TMEM221: variants seen among roughly 807,000 people sequenced by gnomAD.
TMEM221 encodes transmembrane protein 221.
In TMEM221, 11 loss-of-function variants were observed where a neutral mutation model predicts 10.2. The ratio of observed to expected loss-of-function variants is 1.08; its 90% CI spans 0.68 to 1.79. The LOEUF (loss-of-function observed/expected upper bound fraction) is 1.79, where lower values mean the gene tolerates loss of function less well. Ranked by LOEUF, TMEM221 falls within the 40% of genes most tolerant of loss-of-function variation. TMEM221 has a pLI of 0.00. For missense variants in TMEM221, 382 were observed against 417.7 expected (o/e 0.91, Z 0.75); for synonymous variants, 172 against 199.8 (o/e 0.86, Z 1.18).
In TMEM221 at chr19:17,448,270, C is replaced by CGG. The variant is rs1173639496; in HGVS notation, c.191_192dup (p.Gly65ProfsTer71). On this transcript the variant is annotated frameshift_variant, in exon 1 of 3. Transcript: ENST00000341130. LOFTEE classifies it high-confidence loss of function. The surrounding 1 kb of genome is among the most constrained non-coding windows in gnomAD (Gnocchi z 4.7). ...GCGGCGGCCAGCGGCAGCAGCGTCC[C>CGG]GGCCGCGTCCTCTGGCAGCCCGGGG... 1 of 1,236,114 alleles carries CGG rather than the reference C, an allele frequency of 8.1e-7. No homozygotes were observed. Among genetic ancestry groups the CGG allele is most frequent in the Non-Finnish European group, 1.0e-6 (1 of 990,072 alleles). 76.6% of individuals were successfully genotyped at this position (1,236,114 alleles called of 1,614,324 possible).
In TMEM221 at chr19:17,439,792, G is replaced by T. The variant is rs2074924436; in HGVS notation, c.407-2865C>A. ...GGGCAATGGGGAGTGATTGCTAATG[G>T]AGACAGGGTTTCCTGTTGGGTGATG... On this transcript the variant is annotated intron_variant, in intron 2 of 2. Transcript: ENST00000341130. Among the ~76,000 whole-genome samples the T allele has an allele frequency of 2.0e-5, 3 of 152,156 alleles. No homozygotes were observed. The South Asian group carries it at 6.2e-4, about 32-fold the overall frequency.
chr19:17,440,476 C>T (rs924966305), intron 2 of TMEM221, among the ~76,000 whole-genome samples: 9 of 152,032 alleles, frequency 5.9e-5, no homozygotes, highest in African/African-American at 9.7e-5. Flanking sequence ...CTGCCCGCCT[C>T]GGTCTCCCAA....
chr19:17,435,802 A>T lies in TMEM221; in HGVS notation c.*656T>A, dbSNP rs2074905456. Reference sequence around the variant, plus strand: ...AGCCCTCAGCCATGGGTCCACAGCCAGGAACCTGGGTCCAGCTCTCCAGCC... The same window carrying T: ...AGCCCTCAGCCATGGGTCCACAGCCTGGAACCTGGGTCCAGCTCTCCAGCC... On this transcript the variant is annotated 3_prime_UTR_variant, in exon 3 of 3. Coordinates refer to ENST00000341130, the MANE Select transcript of TMEM221 (RefSeq NM_001190844.2). 1 of 152,478 alleles carries T rather than the reference A, an allele frequency of 6.6e-6. No homozygotes were observed. Among genetic ancestry groups the T allele is most frequent in the South Asian group, 2.1e-4 (1 of 4,836 alleles). The allele number at this position is 152,478 out of a possible 1,614,324, so 9.4% of individuals were successfully genotyped here.
In TMEM221 at chr19:17,441,211, GAAAAAAA is replaced by G. The variant is rs569733675; in HGVS notation, c.406+3981_406+3987del. ...CAACAGAGCAAGACTCCATCTCAGA[GAAAAAAA>G]AAAAAAAAAAAGAAGGGACTTTGAG... is the stretch of plus-strand genomic sequence containing the variant. On this transcript the variant is annotated intron_variant, in intron 2 of 2. Transcript: ENST00000341130. 3.8e-3 allele frequency among the ~76,000 whole-genome samples: 199 copies of G among 51,786 alleles called. 1 individual carries two copies. The highest frequency in any genetic ancestry group is 0.012 in the Middle Eastern group (1 of 86). The allele number at this position is 51,786 out of a possible 152,430, so 34.0% of individuals were successfully genotyped here.
At chr19:17,442,564 G>C (rs1881078310) in intron 2 of TMEM221, among the ~76,000 whole-genome samples, 1 of 151,358 alleles carries the variant, frequency 6.6e-6, no homozygotes, top group African/African-American at 2.4e-5. Flanking sequence ...CTCAGCCTCT[G>C]GAGTAGCTGG....
intron 2 of TMEM221, among the ~76,000 whole-genome samples, chr19:17,437,353 G>A (rs1391568228): frequency 6.6e-6 from 1 of 152,206 alleles, no homozygotes; most frequent in African/African-American, 2.4e-5. Flanking sequence ...GAGCTGAGGA[G>A]GATGACAGCT....
chr19:17,445,841 CT>C (rs1199724511), intron 1 of TMEM221, among the ~76,000 whole-genome samples: 3 of 151,456 alleles, frequency 2.0e-5, no homozygotes, highest in Non-Finnish European at 4.4e-5. Context: ...CATCCATCCA[CT>C]TATCAATTCA....
intron 1 of TMEM221, among the ~76,000 whole-genome samples, chr19:17,445,868 A>G (rs909562015): frequency 1.3e-5 from 2 of 150,946 alleles, no homozygotes; most frequent in Admixed American, 1.3e-4. Flanking sequence ...CCATCCACTT[A>G]TCCATCCATC....
intron 2 of TMEM221, among the ~76,000 whole-genome samples, chr19:17,442,881 G>C (rs1305677694): frequency 6.6e-6 from 1 of 152,012 alleles, no homozygotes; most frequent in African/African-American, 2.4e-5. Flanking sequence ...ATTTCATTAA[G>C]TCAAACAACA....
chr19:17,444,071 CTTTTTTTTTTTTTTTT>C (rs67270566), intron 2 of TMEM221, among the ~76,000 whole-genome samples: 1 of 56,284 alleles, frequency 1.8e-5, no homozygotes, highest in South Asian at 6.4e-4. Context: ...AAAATGCTAT[CTTTTTTTTTTTTTTTT>C]TTTTTTTTTT....
In TMEM221 at chr19:17,448,498, G is replaced by A. The variant is rs1437302354; in HGVS notation, c.-36C>T. ...CCTGCGGGCCGGGGGAAGAGTTGAG[G>A]AATTGAAGTGGTTTTAGAGGGCAGG... On this transcript the variant is annotated 5_prime_UTR_variant, in exon 1 of 3. Transcript: ENST00000341130. The surrounding 1 kb of genome is among the most constrained non-coding windows in gnomAD (Gnocchi z 4.7). 1.3e-5 allele frequency: 19 copies of A among 1,426,698 alleles called. No individual in the cohort carries two copies. The highest frequency in any genetic ancestry group is 1.9e-4 in the Middle Eastern group (1 of 5,352). The allele number at this position is 1,426,698 out of a possible 1,614,324, so 88.4% of individuals were successfully genotyped here.
Position 17,436,123 on chromosome 19 carries a change from C to A in TMEM221, c.*335G>T. 4.4e-6 allele frequency: 1 copy of A among 228,842 alleles called. No individual in the cohort carries two copies. 14.2% of individuals were successfully genotyped at this position (228,842 alleles called of 1,614,324 possible). ...ATGCCTGTAACAGAATCTCATCCAT[C>A]TGGACAGCCACATTTCCCAGCCTCC... On this transcript the variant is annotated 3_prime_UTR_variant, in exon 3 of 3. Transcript: ENST00000341130.
chr19:17,439,080 G>A lies in TMEM221; in HGVS notation c.407-2153C>T, dbSNP rs1294611547. Reference sequence around the variant, plus strand: ...AAATTAGCCGATCGTGGTGGCGGGCGCCTGCAGTCCCAGCTATTCAGGAGG... The same window carrying A: ...AAATTAGCCGATCGTGGTGGCGGGCACCTGCAGTCCCAGCTATTCAGGAGG... On this transcript the variant is annotated intron_variant, in intron 2 of 2. Coordinates refer to ENST00000341130, the MANE Select transcript of TMEM221 (RefSeq NM_001190844.2). Among the ~76,000 whole-genome samples the A allele has an allele frequency of 3.3e-5, 5 of 151,968 alleles. No individual in the cohort carries two copies. In the South Asian group the frequency reaches 8.3e-4, roughly 25 times the overall value.
chr19:17,447,171 G>A (rs528766757), intron 1 of TMEM221, among the ~76,000 whole-genome samples: 1 of 151,192 alleles, frequency 6.6e-6, no homozygotes, highest in South Asian at 2.1e-4. Context: ...GCAGTGAACC[G>A]AGATAGCGCC....
At position 17,439,916 on chromosome 19, in the gene TMEM221, G is replaced by A. The variant is rs563195035; in HGVS notation, c.407-2989C>T. Among the ~76,000 whole-genome samples, 6 of 152,168 alleles carry A rather than the reference G, an allele frequency of 3.9e-5. No individual in the cohort carries two copies. The South Asian group carries it at 1.2e-3, about 32-fold the overall frequency. Reference sequence around the variant, plus strand: ...ACTTTAAAGTGGGTAACGGCTGGGCGAGGTGGCTCACACCTGTAATCCCAG... The same window carrying A: ...ACTTTAAAGTGGGTAACGGCTGGGCAAGGTGGCTCACACCTGTAATCCCAG... On this transcript the variant is annotated intron_variant, in intron 2 of 2. Coordinates refer to ENST00000341130, the MANE Select transcript of TMEM221 (RefSeq NM_001190844.2).
intron 2 of TMEM221, among the ~76,000 whole-genome samples, chr19:17,440,974 G>A (rs556858346): frequency 4.6e-5 from 7 of 152,262 alleles, no homozygotes; most frequent in South Asian, 4.1e-4. Context: ...TTGGGAGGCC[G>A]AAGTGGGCGG....
In TMEM221 at chr19:17,436,320, G is replaced by A. The variant is rs1055192331; in HGVS notation, c.*138C>T. 4 of 854,768 alleles carry A rather than the reference G, an allele frequency of 4.7e-6. No individual in the cohort carries two copies. Among genetic ancestry groups the A allele is most frequent in the Admixed American group, 3.3e-5 (1 of 30,686 alleles). The allele number at this position is 854,768 out of a possible 1,614,324, so 52.9% of individuals were successfully genotyped here. A position where few individuals can be genotyped will look rare whatever the true frequency, so the allele number is the denominator to read the frequency against. Reference sequence around the variant, plus strand: ...AGCTCTGGCAATTATTTTGTGCCACGAGGCAACCTTGAGGACAAAAGCCAA... The same window carrying A: ...AGCTCTGGCAATTATTTTGTGCCACAAGGCAACCTTGAGGACAAAAGCCAA... On this transcript the variant is annotated 3_prime_UTR_variant, in exon 3 of 3. Coordinates refer to ENST00000341130, the MANE Select transcript of TMEM221 (RefSeq NM_001190844.2).
rs1214959802 is a variant in TMEM221 at position 17,436,517 on chromosome 19, T to A, written c.817A>T (p.Met273Leu). ...GGTCTGTGGCCCAGCATTCGACGCA[T>A]CTCGTGCGTAACCCCGTCCCAGTGC... ...LGHWDGVTHE[M>L]RRMLGHRPGS... The change falls in exon 3 of 3, where the codon ATG (methionine) becomes TTG (leucine). Residue 273 changes from methionine to leucine, a missense_variant. Met to Leu is a conservative substitution (Grantham distance 15). Coordinates refer to ENST00000341130, the MANE Select transcript of TMEM221 (RefSeq NM_001190844.2). The A allele has an allele frequency of 6.5e-7, 1 of 1,535,586 alleles. No homozygotes were observed. Among genetic ancestry groups the A allele is most frequent in the Non-Finnish European group, 8.7e-7 (1 of 1,146,554 alleles).
At chr19:17,445,736 A>G (rs2074950591) in intron 1 of TMEM221, among the ~76,000 whole-genome samples, 1 of 151,652 alleles carries the variant, frequency 6.6e-6, no homozygotes, top group Non-Finnish European at 1.5e-5. Flanking sequence ...CCACCCATCC[A>G]TCCATCCATA....
Sources: allele counts gnomAD v4.1 joint callset (sites outside exome capture counted in the v4.1 genomes callset), GRCh38; gene constraint gnomAD v4.1.1; non-coding constraint Gnocchi (gnomAD v3.1); transcripts MANE v1.5; gene names NCBI Gene and HGNC (gene_info 2026-07-23, HGNC 2026-07-21).